OPRL1: variants seen among roughly 807,000 people sequenced by gnomAD.
OPRL1 encodes opioid related nociceptin receptor 1.
Under a neutral mutation model 15.5 loss-of-function variants are expected in OPRL1, and 5 were observed. The observed-to-expected ratio is 0.32, with a 90% CI of 0.17 to 0.68. The LOEUF is 0.68. OPRL1 is among the 30% of genes least tolerant of loss of function. The probability of loss-of-function intolerance (pLI) is 0.72; values close to 1 mark genes in which losing one functional copy is unlikely to be tolerated. For missense variants in OPRL1, 406 were observed against 515.3 expected, an observed-to-expected ratio of 0.79 and a Z score of 2.05; for synonymous variants, 223 against 230.2, an observed-to-expected ratio of 0.97 and a Z score of 0.28.
At chr20:64,084,472 C>G (rs2060020515) in intron 1 of OPRL1, 2 of 963,306 alleles carry the variant, frequency 2.1e-6, no homozygotes, top group African/African-American at 1.7e-5. Context: ...ACTTTCTGAT[C>G]AACTCAGTTG....
chr20:64,093,379 C>T lies in OPRL1; in HGVS notation c.233+426C>T, dbSNP rs939057041. On this transcript the variant is annotated intron_variant, in intron 3 of 4. Coordinates refer to ENST00000336866, the MANE Select transcript of OPRL1 (RefSeq NM_182647.4). ...CTGAAACCCCTCTCAGGCTCCAGGG[C>T]TCCTGCTCATGGCAGGTGTCTGTGG... Among the ~76,000 whole-genome samples the T allele has an allele frequency of 1.2e-4, 18 of 146,130 alleles. 1 individual carries two copies. Among genetic ancestry groups the T allele is most frequent in the Admixed American group, 2.0e-4 (3 of 14,758 alleles).
In OPRL1 at chr20:64,091,918, A is replaced by G. The variant is rs377227704; in HGVS notation, c.-184-48A>G. On this transcript the variant is annotated intron_variant, in intron 1 of 4. Coordinates refer to ENST00000336866, the MANE Select transcript of OPRL1 (RefSeq NM_182647.4). ...GCAGCCCCCACCTCCTCCAGCCTGC[A>G]TAGCCCCTCCCCTTCTGGAGCTGCA... 4.5e-3 allele frequency: 682 copies of G among 152,674 alleles called. 22 individuals are homozygous for G. In the South Asian group the frequency reaches 0.072, roughly 16 times the overall value. 9.5% of individuals were successfully genotyped at this position (152,674 alleles called of 1,614,324 possible). A position where few individuals can be genotyped will look rare whatever the true frequency, so the allele number is the denominator to read the frequency against.
At chr20:64,095,610 G>T (rs938977290) in intron 3 of OPRL1, among the ~76,000 whole-genome samples, 6 of 151,614 alleles carry the variant, frequency 4.0e-5, no homozygotes, top group Non-Finnish European at 8.8e-5. Context: ...GCAGTGGGGG[G>T]TTATGGGTGG....
In OPRL1 at chr20:64,098,776, G is replaced by A. The variant is rs759062984; in HGVS notation, c.1090G>A (p.Glu364Lys). Reference protein sequence around the residue: ...KDVALACKTSETVPRPA With the variant: ...KDVALACKTSKTVPRPA Reference sequence around the variant, plus strand: ...CGTGGCCCTGGCCTGCAAGACCTCTGAGACGGTACCGCGGCCCGCATGACT... The same window carrying A: ...CGTGGCCCTGGCCTGCAAGACCTCTAAGACGGTACCGCGGCCCGCATGACT... The change falls in exon 5 of 5, where the codon GAG (glutamate) becomes AAG (lysine). Residue 364 changes from glutamate to lysine, a missense_variant. By Grantham distance (56) the Glu-to-Lys change is moderately conservative. Coordinates refer to ENST00000336866, the MANE Select transcript of OPRL1 (RefSeq NM_182647.4). 1.9e-6 allele frequency: 3 copies of A among 1,602,476 alleles called. No homozygotes were observed. Among genetic ancestry groups the A allele is most frequent in the Non-Finnish European group, 2.5e-6 (3 of 1,178,722 alleles).
chr20:64,098,601 G>A lies in OPRL1; in HGVS notation c.915G>A (p.Thr305=), dbSNP rs1172983953. The part of the protein sequence containing the change: ...ETAVAILRFC[T]ALGYVNSCLN... ...CCGTGGCCATTCTGCGCTTCTGCAC[G>A]GCCCTGGGCTACGTCAACAGCTGCC... Residue 305 remains threonine, a synonymous_variant, in exon 5 of 5, where the codon ACG becomes ACA. Coordinates refer to ENST00000336866, the MANE Select transcript of OPRL1 (RefSeq NM_182647.4). 6 of 1,612,736 alleles carry A rather than the reference G, an allele frequency of 3.7e-6. No homozygotes were observed. Among genetic ancestry groups the A allele is most frequent in the Non-Finnish European group, 5.1e-6 (6 of 1,179,982 alleles).
chr20:64,084,169 G>A, intron 1 of OPRL1: 2 of 1,451,824 alleles, frequency 1.4e-6, no homozygotes, highest in South Asian at 1.3e-5. Context: ...CGCTCTTCCC[G>A]CTTCGCTCCC....
rs767058347 is a variant in OPRL1 at position 64,093,003 on chromosome 20, AG to A, written c.233+55del. ...TCTGGTGAGTCCCACACGGCTGCAG[AG>A]GGGGAAACTGAGACGGGGTCTGTTC... is the stretch of plus-strand genomic sequence containing the variant. On this transcript the variant is annotated intron_variant, in intron 3 of 4. Coordinates refer to ENST00000336866, the MANE Select transcript of OPRL1 (RefSeq NM_182647.4). The A allele has an allele frequency of 1.1e-4, 170 of 1,517,026 alleles. 1 individual carries two copies. Among genetic ancestry groups the A allele is most frequent in the Non-Finnish European group, 1.5e-4 (162 of 1,098,948 alleles). 94.0% of individuals were successfully genotyped at this position (1,517,026 alleles called of 1,614,324 possible).
chr20:64,089,293 C>T lies in OPRL1; in HGVS notation c.-184-2673C>T, dbSNP rs1173401920. Among the ~76,000 whole-genome samples the T allele has an allele frequency of 6.6e-6, 1 of 152,114 alleles. No homozygotes were observed. Among genetic ancestry groups the T allele is most frequent in the African/African-American group, 2.4e-5 (1 of 41,412 alleles). On this transcript the variant is annotated intron_variant, in intron 1 of 4. Coordinates refer to ENST00000336866, the MANE Select transcript of OPRL1 (RefSeq NM_182647.4). The surrounding 1 kb of genome is among the most constrained non-coding windows in gnomAD (Gnocchi z 5.5). ...CCACGGCCTTCTGCTGGACCCTGAA[C>T]GGCTCCCACAGAGGGAGTTGAGGTC...
At chr20:64,098,254 G>C (rs373178366) in intron 4 of OPRL1, 22 bp from the exon 5 acceptor site, 2 of 1,607,002 alleles carry the variant, frequency 1.2e-6, no homozygotes, top group Non-Finnish European at 1.7e-6. Context: ...GGCCCACTCT[G>C]ACCCCGTTTC....
At chr20:64,098,247 C>T in intron 4 of OPRL1, 29 bp from the exon 5 acceptor site, 1 of 1,605,042 alleles carries the variant, frequency 6.2e-7, no homozygotes, top group Admixed American at 1.7e-5. Flanking sequence ...TCTCCTGGGC[C>T]CACTCTGACC....
chr20:64,084,053 G>A, intron 1 of OPRL1: 1 of 1,501,924 alleles, frequency 6.7e-7, no homozygotes, highest in Non-Finnish European at 8.8e-7. Context: ...GCGCTGCGCA[G>A]GGAGCATGGC....
Position 64,098,202 on chromosome 20 carries a change from C to G in OPRL1, c.589+45C>G, listed in dbSNP as rs766908576. ...CTCCCCTCACCAGGCTCCCTGGCTC[C>G]CGGGTGGCTCCTCTGGGCCCACGTG... On this transcript the variant is annotated intron_variant, in intron 4 of 4. Transcript: ENST00000336866. The G allele has an allele frequency of 3.1e-6, 5 of 1,604,172 alleles. No homozygotes were observed. The East Asian group carries it at 1.1e-4, about 36-fold the overall frequency.
At chr20:64,095,560 G>A (rs1202048475) in intron 3 of OPRL1, among the ~76,000 whole-genome samples, 1 of 151,606 alleles carries the variant, frequency 6.6e-6, no homozygotes, top group Admixed American at 6.6e-5. Flanking sequence ...GACAGCAGGT[G>A]GGATCTTGAA....
rs1344084993 is a variant in OPRL1 at position 64,083,061 on chromosome 20, A to G, written c.-185+2709A>G. The stretch of plus-strand genomic sequence containing the variant: ...GGTGGGATGACTCGCACTCGAGACC[A>G]CTGCAGCCTGAGGCTACCCTTACAT... On this transcript the variant is annotated intron_variant, in intron 1 of 4. Coordinates refer to ENST00000336866, the MANE Select transcript of OPRL1 (RefSeq NM_182647.4). This position sits in a 1 kb window ranked among gnomAD's most constrained non-coding sequence, Gnocchi z 4.9. Among the ~76,000 whole-genome samples, 1 of 152,100 alleles carries G rather than the reference A, an allele frequency of 6.6e-6. No individual in the cohort carries two copies. The highest frequency in any genetic ancestry group is 6.5e-5 in the Admixed American group (1 of 15,280).
Position 64,099,126 on chromosome 20 carries a change from C to T in OPRL1, c.*327C>T. 2.6e-6 allele frequency: 1 copy of T among 380,354 alleles called. No homozygotes were observed. Among genetic ancestry groups the T allele is most frequent in the South Asian group, 5.9e-5 (1 of 17,080 alleles). The allele number at this position is 380,354 out of a possible 1,614,324, so 23.6% of individuals were successfully genotyped here. On this transcript the variant is annotated 3_prime_UTR_variant, in exon 5 of 5. Transcript: ENST00000336866. Reference sequence around the variant, plus strand: ...GACGGCCGTGACTGGAGCCCGTGCCCCTCCCTCCCCGTGCTTCATGTGACT... The same window carrying T: ...GACGGCCGTGACTGGAGCCCGTGCCTCTCCCTCCCCGTGCTTCATGTGACT...
intron 1 of OPRL1, chr20:64,084,148 C>G (rs1157900781): frequency 6.9e-7 from 1 of 1,456,424 alleles, no homozygotes; most frequent in Non-Finnish European, 9.0e-7. Context: ...CACCCTGCGC[C>G]GTGCCTGGCG....
At chr20:64,081,553 G>A (rs1185039528) in intron 1 of OPRL1, among the ~76,000 whole-genome samples, 2 of 152,178 alleles carry the variant, frequency 1.3e-5, no homozygotes, top group South Asian at 2.1e-4. Flanking sequence ...GCTCTCCACC[G>A]CCCTGGCTTC....
chr20:64,098,618 A>T lies in OPRL1; in HGVS notation c.932A>T (p.Asn311Ile). 6.2e-7 allele frequency: 1 copy of T among 1,612,852 alleles called. No individual in the cohort carries two copies. Among genetic ancestry groups the T allele is most frequent in the Non-Finnish European group, 8.5e-7 (1 of 1,179,968 alleles). Residue 311 changes from asparagine to isoleucine, a missense_variant, in exon 5 of 5, where the codon AAC becomes ATC. Transcript: ENST00000336866. ...LRFCTALGYV[N>I]SCLNPILYAF... is the part of the protein sequence containing the mutation. The stretch of plus-strand genomic sequence containing the variant: ...TTCTGCACGGCCCTGGGCTACGTCA[A>T]CAGCTGCCTCAACCCCATCCTCTAC...
intron 4 of OPRL1, 52 bp from the exon 5 acceptor site, chr20:64,098,224 C>T (rs2295448): frequency 0.14 from 231,303 of 1,601,752 alleles, 17,189 homozygotes; most frequent in Non-Finnish European, 0.15. Context: ...TCTGGGCCCA[C>T]GTGCCCTCCA....
Sources: gnomAD v4.1 joint callset for allele counts (sites outside exome capture counted in the v4.1 genomes callset) on GRCh38, gnomAD v4.1.1 for gene constraint, Gnocchi (gnomAD v3.1) non-coding constraint, MANE v1.5 for transcripts, NCBI Gene and HGNC (gene_info 2026-07-23, HGNC 2026-07-21) for gene names.